The following MAP3K15 variants were observed in gnomAD, a reference collection of about 807,000 sequenced individuals.
MAP3K15 encodes the protein MAPK/ERK kinase kinase 15.
A neutral mutation model predicts 99.5 loss-of-function variants in MAP3K15; 124 were observed. That is an observed-to-expected ratio of 1.25 (90% CI 1.08 to 1.45). The LOEUF (loss-of-function observed/expected upper bound fraction) is 1.45, where lower values mean the gene tolerates loss of function less well. Among genes scored for constraint, MAP3K15 ranks in the 40% most tolerant of loss-of-function variants. The pLI, the probability that MAP3K15 is intolerant of heterozygous loss-of-function variation, is 0.00. For missense variants in MAP3K15, 1,242 were observed against 1,079.7 expected, an observed-to-expected ratio of 1.15 and a Z score of -2.11; for synonymous variants, 494 against 439.6, an observed-to-expected ratio of 1.12 and a Z score of -1.55.
At chrX:19,490,703 C>A (rs1321928091) in intron 1 of MAP3K15, among the ~76,000 whole-genome samples, 2 of 108,275 alleles carry the variant, frequency 1.8e-5, no homozygotes, top group African/African-American at 6.7e-5. Context: ...GAGCTGTGAT[C>A]ATGCCACTGC....
In MAP3K15 at chrX:19,400,595, G is replaced by T. The variant is rs1391158476; in HGVS notation, c.1913C>A (p.Thr638Asn). The T allele has an allele frequency of 8.3e-7, 1 of 1,203,660 alleles. No homozygotes were observed. Among genetic ancestry groups the T allele is most frequent in the African/African-American group, 1.8e-5 (1 of 56,945 alleles). Residue 638 changes from threonine (T) to asparagine (N), a missense_variant, in exon 14 of 29, where the codon ACC (threonine) becomes AAC (asparagine). Physicochemically the swap from Thr to Asn is moderately conservative, Grantham distance 65. Transcript: ENST00000338883. ...AGSTVELEGE[T>N]DGDTLEYEYD... The stretch of plus-strand genomic sequence containing the variant: ...ACTCACCTCCAAGGTGTCTCCATCG[G>T]TCTCTCCCTCCAGCTCCACCGTACT...
chrX:19,388,102 C>T (rs1035969474), intron 18 of MAP3K15, among the ~76,000 whole-genome samples: 43 of 112,605 alleles, frequency 3.8e-4, no homozygotes, highest in South Asian at 2.9e-3. Flanking sequence ...TGCAGGGAGA[C>T]GGGAGAGGGG....
chrX:19,442,714 T>C (rs1034242592), intron 6 of MAP3K15, among the ~76,000 whole-genome samples: 38 of 98,618 alleles, frequency 3.9e-4, no homozygotes, highest in African/African-American at 1.3e-3. Flanking sequence ...TTATTATTAT[T>C]ATCATTATTA....
intron 13 of MAP3K15, among the ~76,000 whole-genome samples, chrX:19,403,174 T>A (rs1698418504): frequency 9.0e-6 from 1 of 110,993 alleles, no homozygotes; most frequent in Admixed American, 9.7e-5. Context: ...TATATATGTA[T>A]CAAAATTTAT....
rs747115798 is a variant in MAP3K15 at position 19,400,615 on chromosome X, C to T, written c.1893G>A (p.Thr631=). The T allele has an allele frequency of 8.2e-5, 99 of 1,206,700 alleles. No homozygotes were observed. In the Admixed American group the frequency reaches 1.9e-3, roughly 23 times the overall value. Reference sequence around the variant, plus strand: ...CATCGGTCTCTCCCTCCAGCTCCACCGTACTGCCTGCTGTATTGGTTATCA... The same window carrying T: ...CATCGGTCTCTCCCTCCAGCTCCACTGTACTGCCTGCTGTATTGGTTATCA... The part of the protein sequence containing the change: ...KEMITNTAGS[T]VELEGETDGD... The change falls in exon 14 of 29, where the codon ACG becomes ACA. Residue 631 remains threonine (T), a synonymous_variant. Transcript: ENST00000338883.
At chrX:19,498,718 T>G (rs1043828275) in intron 1 of MAP3K15, among the ~76,000 whole-genome samples, 1 of 111,981 alleles carries the variant, frequency 8.9e-6, no homozygotes, top group African/African-American at 3.2e-5. Context: ...GCACTCATCG[T>G]GGGGCAAGAC....
chrX:19,480,686 C>T (rs1349037105), intron 3 of MAP3K15, among the ~76,000 whole-genome samples: 8 of 101,220 alleles, frequency 7.9e-5, no homozygotes, highest in East Asian at 3.1e-4. Context: ...ATTAGCCGTG[C>T]GTGGTAGCGG....
chrX:19,486,581 C>T (rs1192136499), intron 2 of MAP3K15, 76 bp from the exon 3 acceptor site: 7 of 424,787 alleles, frequency 1.6e-5, no homozygotes, highest in African/African-American at 5.1e-5. Flanking sequence ...CAGCACTCCC[C>T]TCTATAAAAG....
intron 4 of MAP3K15, among the ~76,000 whole-genome samples, chrX:19,461,184 T>A (rs1245606672): frequency 1.8e-5 from 2 of 111,815 alleles, no homozygotes; most frequent in African/African-American, 6.5e-5. Flanking sequence ...TTTCACCATG[T>A]TAGCCAGGAT....
At position 19,507,575 on chromosome X, in the gene MAP3K15, CAAAAAAAAAAAA is replaced by C. The variant is rs1165492097; in HGVS notation, c.361+7314_361+7325del. Reference sequence around the variant, plus strand: ...CCTGGGTGAGAGTGACACCTTGTCTCAAAAAAAAAAAAAAAAAAAAAAAAAAAAAAAAAAAGA... The same window carrying C: ...CCTGGGTGAGAGTGACACCTTGTCTCAAAAAAAAAAAAAAAAAAAAAAAGA... On this transcript the variant is annotated intron_variant, in intron 1 of 28. Coordinates refer to ENST00000338883, the MANE Select transcript of MAP3K15 (RefSeq NM_001001671.4). 6.4e-3 allele frequency among the ~76,000 whole-genome samples: 70 copies of C among 10,888 alleles called. No individual in the cohort carries two copies. The South Asian group carries it at 0.14, about 21-fold the overall frequency. 9.5% of individuals were successfully genotyped at this position (10,888 alleles called of 115,157 possible).
At chrX:19,469,843 A>T (rs1602334337) in intron 3 of MAP3K15, among the ~76,000 whole-genome samples, 1 of 109,291 alleles carries the variant, frequency 9.1e-6, no homozygotes, top group African/African-American at 3.4e-5. Flanking sequence ...AATCAAAACC[A>T]CAATGAGATA....
intron 2 of MAP3K15, among the ~76,000 whole-genome samples, chrX:19,487,943 A>G (rs977980406): frequency 1.8e-5 from 2 of 110,676 alleles, no homozygotes; most frequent in African/African-American, 6.7e-5. Context: ...GGTTAAAAAA[A>G]TCTCCGTGCC....
At position 19,454,198 on chromosome X, in the gene MAP3K15, A is replaced by C. The variant is rs753526353; in HGVS notation, c.995+2715T>G. Among the ~76,000 whole-genome samples, 91 of 111,861 alleles carry C rather than the reference A, an allele frequency of 8.1e-4. 1 individual carries two copies. The highest frequency in any genetic ancestry group is 2.6e-3 in the African/African-American group (81 of 30,884). ...AGAGGTAAATTTTGCCAGAGTTGGT[A>C]GTCTCGATCCAAAGATGCTGGAAGT... On this transcript the variant is annotated intron_variant, in intron 6 of 28. Transcript: ENST00000338883.
chrX:19,446,685 C>G lies in MAP3K15; in HGVS notation c.995+10228G>C, dbSNP rs1251129003. On this transcript the variant is annotated intron_variant, in intron 6 of 28. Transcript: ENST00000338883. ...AAATAAACCCTTCAGTCAGGCTAAA[C>G]TGGACTGTTCACTGTAGTCAGAGCC... Among the ~76,000 whole-genome samples, 4 of 110,745 alleles carry G rather than the reference C, an allele frequency of 3.6e-5. 1 individual carries two copies. Among genetic ancestry groups the G allele is most frequent in the Non-Finnish European group, 7.6e-5 (4 of 52,953 alleles).
intron 25 of MAP3K15, among the ~76,000 whole-genome samples, chrX:19,363,123 A>G (rs1027503964): frequency 3.4e-4 from 38 of 111,959 alleles, no homozygotes; most frequent in African/African-American, 1.2e-3. Context: ...AATGGACTCA[A>G]TGTGTGCCCC....
At chrX:19,367,224 C>T (rs1211569861) in intron 25 of MAP3K15, among the ~76,000 whole-genome samples, 3 of 111,393 alleles carry the variant, frequency 2.7e-5, no homozygotes, top group Non-Finnish European at 5.6e-5. Flanking sequence ...CCTTAGCAAA[C>T]AAATGCAGGA....
At chrX:19,409,061 G>C (rs772901180) in intron 12 of MAP3K15, among the ~76,000 whole-genome samples, 1 of 111,562 alleles carries the variant, frequency 9.0e-6, no homozygotes, top group Non-Finnish European at 1.9e-5. Flanking sequence ...TTCCTGGGCA[G>C]TATCATCCCA....
chrX:19,400,451 C>A (rs1187814995), intron 14 of MAP3K15, 125 bp downstream of exon 14: 6 of 440,258 alleles, frequency 1.4e-5, no homozygotes, highest in Non-Finnish European at 7.9e-6. Flanking sequence ...GGGAACCATG[C>A]AGTGATGGCT....
intron 13 of MAP3K15, among the ~76,000 whole-genome samples, chrX:19,402,702 T>C (rs1485638523): frequency 9.0e-6 from 1 of 111,616 alleles, no homozygotes; most frequent in Non-Finnish European, 1.9e-5. Context: ...TATCACTCTG[T>C]CACCTAGCCT....
Sources: allele counts gnomAD v4.1 joint callset (sites outside exome capture counted in the v4.1 genomes callset), GRCh38; gene constraint gnomAD v4.1.1; transcripts MANE v1.5; gene names NCBI Gene and HGNC (gene_info 2026-07-23, HGNC 2026-07-21).